Variants in C1orf185 observed in about 807,000 individuals in gnomAD.
The protein encoded by C1orf185 is chromosome 1 open reading frame 185, also known as uncharacterized protein C1orf185.
Under a neutral mutation model 16.1 loss-of-function variants are expected in C1orf185, and 13 were observed. The observed-to-expected ratio is 0.81, with a 90% CI of 0.53 to 1.28. The LOEUF is 1.28. C1orf185 is among the 50% of genes most tolerant of loss of function. The probability of loss-of-function intolerance (pLI) is 0.00; values close to 1 mark genes in which losing one functional copy is unlikely to be tolerated. For missense variants in C1orf185, 220 were observed against 225.2 expected (o/e 0.98, Z 0.15); for synonymous variants, 80 against 76.9 (o/e 1.04, Z -0.21).
At chr1:51,151,476 A>G (rs1646429067), downstream of C1orf185, among the ~76,000 whole-genome samples, 1 of 152,132 alleles carries the variant, frequency 6.6e-6, no homozygotes, top group South Asian at 2.1e-4. Flanking sequence ...GTAAATAAAT[A>G]AGAATAAAAA....
intron 1 of C1orf185, among the ~76,000 whole-genome samples, chr1:51,104,144 T>G: frequency 6.6e-6 from 1 of 152,180 alleles, no homozygotes; most frequent in East Asian, 1.9e-4. Flanking sequence ...AAGTCCCCCA[T>G]GCAATGTTTC....
At position 51,109,859 on chromosome 1, in the gene C1orf185, C is replaced by T. The variant is rs12096971; in HGVS notation, c.17-2605C>T. On this transcript the variant is annotated intron_variant, in intron 1 of 4. Coordinates refer to ENST00000371759, the MANE Select transcript of C1orf185 (RefSeq NM_001136508.2). The stretch of plus-strand genomic sequence containing the variant: ...AACTTTTTTTTTCCCCTCAGGATTG[C>T]TTTAGCTATTCAGGGTGTTTTGTGG... Among the ~76,000 whole-genome samples the T allele has an allele frequency of 4.2e-3, 640 of 152,028 alleles. 5 individuals carry two copies. Among genetic ancestry groups the T allele is most frequent in the African/African-American group, 0.015 (612 of 41,462 alleles).
chr1:51,134,562 G>A lies in C1orf185; in HGVS notation c.259-11162G>A, dbSNP rs529104004. Among the ~76,000 whole-genome samples, 31 of 151,896 alleles carry A rather than the reference G, an allele frequency of 2.0e-4. No individual in the cohort carries two copies. In the South Asian group the frequency reaches 4.8e-3, roughly 23 times the overall value. ...AAAAGATCAATGAATCCAGGAGCTG[G>A]TTTTCTGAAAAAATAAAATAAAATA... On this transcript the variant is annotated intron_variant, in intron 3 of 4. Transcript: ENST00000371759.
chr1:51,141,056 A>G (rs761343295), intron 3 of C1orf185, among the ~76,000 whole-genome samples: 1 of 152,220 alleles, frequency 6.6e-6, no homozygotes, highest in Non-Finnish European at 1.5e-5. Flanking sequence ...AGACTCACCC[A>G]AAGTAAATTA....
intron 3 of C1orf185, among the ~76,000 whole-genome samples, chr1:51,142,485 T>C (rs1377992782): frequency 1.3e-5 from 2 of 152,354 alleles, no homozygotes; most frequent in East Asian, 3.9e-4. Context: ...TGTAAATTAT[T>C]CACCAAATGG....
At chr1:51,136,339 ATT>A (rs199798609) in intron 3 of C1orf185, among the ~76,000 whole-genome samples, 4 of 143,578 alleles carry the variant, frequency 2.8e-5, no homozygotes, top group Non-Finnish European at 6.1e-5. Context: ...TTTGATCTTG[ATT>A]TTTTTTTTTT....
intron 3 of C1orf185, among the ~76,000 whole-genome samples, chr1:51,125,602 C>T (rs1383143381): frequency 2.6e-5 from 4 of 152,130 alleles, no homozygotes; most frequent in African/African-American, 9.7e-5. Flanking sequence ...TATTTTGTTA[C>T]CAAGCAATGA....
At chr1:51,144,896 C>G (rs1249441979) in intron 3 of C1orf185, among the ~76,000 whole-genome samples, 1 of 152,052 alleles carries the variant, frequency 6.6e-6, no homozygotes, top group Non-Finnish European at 1.5e-5. Flanking sequence ...TATGCTTTTG[C>G]CTATTGTTTA....
At chr1:51,142,553 T>C (rs1646372030) in intron 3 of C1orf185, among the ~76,000 whole-genome samples, 1 of 152,224 alleles carries the variant, frequency 6.6e-6, no homozygotes, top group Non-Finnish European at 1.5e-5. Context: ...AGTTTTTAGC[T>C]ATGAATTCAA....
chr1:51,106,889 C>A (rs1646076861), intron 1 of C1orf185, among the ~76,000 whole-genome samples: 1 of 151,666 alleles, frequency 6.6e-6, no homozygotes, highest in Non-Finnish European at 1.5e-5. Flanking sequence ...TCCCGAGTAA[C>A]TGGGATTACA....
chr1:51,110,140 G>A (rs1317031197), intron 1 of C1orf185, among the ~76,000 whole-genome samples: 1 of 152,100 alleles, frequency 6.6e-6, no homozygotes, highest in Non-Finnish European at 1.5e-5. Context: ...TTTTGAGAAA[G>A]CTATTTAGCC....
intron 3 of C1orf185, among the ~76,000 whole-genome samples, chr1:51,139,795 C>G (rs562874271): frequency 3.9e-5 from 6 of 152,226 alleles, no homozygotes; most frequent in Non-Finnish European, 8.8e-5. Context: ...AACTCAAAAT[C>G]TTAGTGCTTT....
chr1:51,128,918 G>A (rs559461090), intron 3 of C1orf185, among the ~76,000 whole-genome samples: 84 of 151,688 alleles, frequency 5.5e-4, no homozygotes, highest in African/African-American at 1.2e-3. Context: ...GGAGTCTGGC[G>A]AGGTCACCCA....
rs539357139 is a variant in C1orf185, at chr1:51,141,484, C to T, written c.259-4240C>T. 1.8e-4 allele frequency among the ~76,000 whole-genome samples: 27 copies of T among 152,162 alleles called. No homozygotes were observed. The South Asian group carries it at 5.4e-3, about 30-fold the overall frequency. ...TTCCAGCCTGGATGAGAGGGTGAAA[C>T]CCCATCTTAAAAAAAAGAAAAAAAT... On this transcript the variant is annotated intron_variant, in intron 3 of 4. Transcript: ENST00000371759.
intron 4 of C1orf185, among the ~76,000 whole-genome samples, chr1:51,147,007 G>A (rs757397497): frequency 2.0e-5 from 3 of 151,984 alleles, no homozygotes; most frequent in Admixed American, 6.6e-5. Flanking sequence ...TAGAAACTAT[G>A]TATATTACAA....
chr1:51,106,590 A>G (rs1030710203), intron 1 of C1orf185, among the ~76,000 whole-genome samples: 1 of 152,104 alleles, frequency 6.6e-6, no homozygotes, highest in Non-Finnish European at 1.5e-5. Flanking sequence ...TCAAGGCTAT[A>G]GTGAGCTATG....
At chr1:51,138,682 G>A (rs1033388596) in intron 3 of C1orf185, among the ~76,000 whole-genome samples, 13 of 148,078 alleles carry the variant, frequency 8.8e-5, no homozygotes, top group Admixed American at 6.8e-4. Context: ...GTGAGCCACC[G>A]TGCTGGCCCA....
intron 1 of C1orf185, among the ~76,000 whole-genome samples, chr1:51,111,914 A>T (rs1557643407): frequency 6.6e-6 from 1 of 152,194 alleles, no homozygotes; most frequent in Non-Finnish European, 1.5e-5. Context: ...CTTCCGCCTC[A>T]GTCTCCCAAA....
chr1:51,129,130 C>T (rs977328518), intron 3 of C1orf185, among the ~76,000 whole-genome samples: 1 of 152,176 alleles, frequency 6.6e-6, no homozygotes, highest in Non-Finnish European at 1.5e-5. Flanking sequence ...GGCGATCCAC[C>T]TGCCTCGGCC....
Sources: allele counts gnomAD v4.1 joint callset (sites outside exome capture counted in the v4.1 genomes callset), GRCh38; gene constraint gnomAD v4.1.1; transcripts MANE v1.5; gene names NCBI Gene and HGNC (gene_info 2026-07-23, HGNC 2026-07-21).